CYBB: variants seen among roughly 807,000 people sequenced by gnomAD.
CYBB encodes the protein NADPH oxidase 2.
Under a neutral mutation model 46.5 loss-of-function variants are expected in CYBB, and 5 were observed. The observed-to-expected ratio is 0.11, with a 90% CI of 0.06 to 0.23. CYBB has a LOEUF of 0.23. Among genes scored for constraint, CYBB ranks in the 10% least tolerant of loss-of-function variants. CYBB has a pLI of 1.00. For missense variants in CYBB, 307 were observed against 428.3 expected (o/e 0.72, Z 2.50); for synonymous variants, 183 against 156.7 (o/e 1.17, Z -1.26).
chrX:37,788,179 T>C (rs782530489), intron 3 of CYBB, among the ~76,000 whole-genome samples: 2 of 111,939 alleles, frequency 1.8e-5, no homozygotes. Flanking sequence ...TTATGATCCA[T>C]GGTGATTATG....
rs766756667 is a variant in CYBB at position 37,810,885 on chromosome X, G to C, written c.1681G>C (p.Val561Leu). The change falls in exon 13 of 13, where the codon GTG (valine) becomes CTG (leucine). Residue 561 changes from valine to leucine, a missense_variant. Physicochemically the swap from Val to Leu is conservative, Grantham distance 32. Around this residue, in one of 3 missense-constraint regions of CYBB, gnomAD observed 122 missense variants for 208.3 expected, o/e 0.59. Transcript: ENST00000378588. ...ISNSESGPRG[V>L]HFIFNKENF The stretch of plus-strand genomic sequence containing the variant: ...CAACTCTGAGTCTGGCCCTCGGGGA[G>C]TGCATTTCATTTTCAACAAGGAAAA... 9 of 1,208,625 alleles carry C rather than the reference G, an allele frequency of 7.4e-6. No individual in the cohort carries two copies. Among genetic ancestry groups the C allele is most frequent in the Non-Finnish European group, 1.0e-5 (9 of 892,826 alleles).
At chrX:37,784,552 C>G (rs1308206830) in intron 3 of CYBB, among the ~76,000 whole-genome samples, 1 of 111,393 alleles carries the variant, frequency 9.0e-6, no homozygotes, top group East Asian at 2.8e-4. Flanking sequence ...ATTGGCATAG[C>G]CTTGGCTTCT....
At chrX:37,803,130 C>T (rs1255828412) in intron 8 of CYBB, among the ~76,000 whole-genome samples, 6 of 111,561 alleles carry the variant, frequency 5.4e-5, no homozygotes, top group Non-Finnish European at 7.5e-5. Context: ...TGGAATCAGG[C>T]AGATTCAAGG....
intron 7 of CYBB, among the ~76,000 whole-genome samples, chrX:37,799,551 T>C (rs966894539): frequency 8.9e-5 from 10 of 111,757 alleles, no homozygotes; most frequent in Non-Finnish European, 1.7e-4. Context: ...AAGGCTACCT[T>C]TAGGCATTAG....
At chrX:37,785,658 C>T (rs1929050296) in intron 3 of CYBB, among the ~76,000 whole-genome samples, 1 of 111,587 alleles carries the variant, frequency 9.0e-6, no homozygotes, top group Non-Finnish European at 1.9e-5. Context: ...GATCATCCCT[C>T]CTTGACTTCC....
At chrX:37,792,698 A>T (rs2146809689) in intron 4 of CYBB, among the ~76,000 whole-genome samples, 1 of 111,111 alleles carries the variant, frequency 9.0e-6, no homozygotes, top group African/African-American at 3.3e-5. Context: ...GAGAATATAT[A>T]AGCACAGTGA....
At chrX:37,789,493 AAGAG>A (rs781933006) in intron 3 of CYBB, among the ~76,000 whole-genome samples, 1 of 94,317 alleles carries the variant, frequency 1.1e-5, no homozygotes, top group Admixed American at 1.1e-4. Context: ...GAAAGAAAGA[AAGAG>A]AAAGAAAGAA....
At chrX:37,799,185 A>T in intron 7 of CYBB, 101 bp downstream of exon 7, 1 of 810,528 alleles carries the variant, frequency 1.2e-6, no homozygotes, top group Middle Eastern at 3.1e-4. Flanking sequence ...ATAGATGTCC[A>T]TTACAAATGT....
intron 3 of CYBB, among the ~76,000 whole-genome samples, chrX:37,789,526 A>ATAAATAAATAAATAAAT (rs1929148519): frequency 2.9e-5 from 3 of 104,279 alleles, no homozygotes; most frequent in Non-Finnish European, 3.9e-5. Context: ...AGAAAGAAAG[A>ATAAATAAATAAATAAAT]AAATAAATAA....
chrX:37,796,764 A>G (rs984462055), intron 6 of CYBB, among the ~76,000 whole-genome samples: 14 of 111,859 alleles, frequency 1.3e-4, no homozygotes, highest in African/African-American at 4.2e-4. Context: ...ATTTCTCACT[A>G]TCACCATTTC....
chrX:37,785,074 G>A (rs1556465200), intron 3 of CYBB, among the ~76,000 whole-genome samples: 2 of 111,960 alleles, frequency 1.8e-5, no homozygotes, highest in African/African-American at 6.5e-5. Context: ...TAGGACTAGA[G>A]GCTATAATTT....
intron 11 of CYBB, 33 bp from the exon 12 acceptor site, chrX:37,809,534 C>CT (rs782574458): frequency 1.1e-5 from 13 of 1,173,730 alleles, no homozygotes; most frequent in African/African-American, 7.1e-5. Flanking sequence ...CAGAATGTCT[C>CT]TTTTTTTTCT....
Position 37,795,884 on chromosome X carries a change from G to A in CYBB, c.484-67G>A, listed in dbSNP as rs1602179782. 7.5e-6 allele frequency: 6 copies of A among 804,871 alleles called. No homozygotes were observed. In the East Asian group the frequency reaches 1.9e-4, roughly 26 times the overall value. The allele number at this position is 804,871 out of a possible 1,213,427, so 66.3% of individuals were successfully genotyped here. A position where few individuals can be genotyped will look rare whatever the true frequency, so the allele number is the denominator to read the frequency against. On this transcript the variant is annotated intron_variant, in intron 5 of 12. Transcript: ENST00000378588. ...TTTGAGAACCTATAATATTGTGCTTGCGCACATGTGTGTGTGTGTGTGTGT... is the reference window on the plus strand; with the variant it reads ...TTTGAGAACCTATAATATTGTGCTTACGCACATGTGTGTGTGTGTGTGTGT...
intron 3 of CYBB, among the ~76,000 whole-genome samples, chrX:37,784,375 G>A (rs1929015617): frequency 2.7e-5 from 3 of 111,435 alleles, no homozygotes; most frequent in African/African-American, 3.3e-5. Context: ...TGTCAGGTGG[G>A]GCAGAGAATG....
At chrX:37,798,785 G>A (rs1602181077) in intron 6 of CYBB, among the ~76,000 whole-genome samples, 170 bp from the exon 7 acceptor site, 1 of 112,112 alleles carries the variant, frequency 8.9e-6, no homozygotes, top group African/African-American at 3.2e-5. Flanking sequence ...CTGTTGCTGA[G>A]TGTTATGCAT....
At chrX:37,794,752 A>G (rs1929266683) in intron 5 of CYBB, among the ~76,000 whole-genome samples, 1 of 111,535 alleles carries the variant, frequency 9.0e-6, no homozygotes, top group Non-Finnish European at 1.9e-5. Flanking sequence ...ACACTCAAAG[A>G]CAGAAGCTCC....
chrX:37,789,535 A>G (rs1602177376), intron 3 of CYBB, among the ~76,000 whole-genome samples: 1 of 109,679 alleles, frequency 9.1e-6, no homozygotes, highest in South Asian at 3.8e-4. Flanking sequence ...GAAAATAAAT[A>G]AATAAATAAA....
At chrX:37,792,373 G>T (rs1929215989) in intron 4 of CYBB, among the ~76,000 whole-genome samples, 1 of 110,884 alleles carries the variant, frequency 9.0e-6, no homozygotes, top group Admixed American at 9.6e-5. Context: ...ATTCACTCAT[G>T]AAAACTTATT....
chrX:37,798,229 T>G (rs1050783190), intron 6 of CYBB: 6 of 112,110 alleles, frequency 5.4e-5, no homozygotes, highest in Middle Eastern at 4.6e-3. Context: ...TGGGCCTTCC[T>G]CTCTCTATCA....
Sources: gnomAD v4.1 joint callset for allele counts (sites outside exome capture counted in the v4.1 genomes callset) on GRCh38, gnomAD v4.1.1 for gene constraint, gnomAD v4.1.1 regional missense constraint, MANE v1.5 for transcripts, NCBI Gene and HGNC (gene_info 2026-07-23, HGNC 2026-07-21) for gene names.